Variants in ASTN2 observed in about 807,000 individuals in gnomAD.
ASTN2 encodes astrotactin-2.
In ASTN2, 54 loss-of-function variants were observed where a neutral mutation model predicts 139.8. The ratio of observed to expected loss-of-function variants is 0.39; its 90% CI spans 0.31 to 0.48. The LOEUF (loss-of-function observed/expected upper bound fraction) is 0.48. Ranked by LOEUF, ASTN2 falls within the 20% of genes least tolerant of loss-of-function variation. The pLI is 0.95. For missense variants in ASTN2, 1,565 were observed against 1,725.1 expected (o/e 0.91, Z 1.64); for synonymous variants, 756 against 719.5 (o/e 1.05, Z -0.81).
chr9:117,145,419 A>T (rs886573334), intron 3 of ASTN2, among the ~76,000 whole-genome samples: 4 of 152,246 alleles, frequency 2.6e-5, no homozygotes, highest in African/African-American at 9.6e-5. Flanking sequence ...GCTCCTTGTT[A>T]GATGGCTACT....
At position 117,048,485 on chromosome 9, in the gene ASTN2, T is replaced by C. The variant is rs117767815; in HGVS notation, c.1277-8520A>G. On this transcript the variant is annotated intron_variant, in intron 5 of 22. Transcript: ENST00000313400. ...CCTGGGACAAAGACCGTTTCTATAGTGCAGGCCTAGATTGTGGCTGCCTGG... is the reference window on the plus strand; with the variant it reads ...CCTGGGACAAAGACCGTTTCTATAGCGCAGGCCTAGATTGTGGCTGCCTGG... Among the ~76,000 whole-genome samples the C allele has an allele frequency of 2.8e-4, 42 of 152,292 alleles. No homozygotes were observed. The East Asian group carries it at 7.3e-3, about 27-fold the overall frequency.
At chr9:116,532,236 A>C (rs1851386828) in intron 19 of ASTN2, among the ~76,000 whole-genome samples, 1 of 152,036 alleles carries the variant, frequency 6.6e-6, no homozygotes, top group South Asian at 2.1e-4. Context: ...AATTTGTTTG[A>C]GTTCTTTGTA....
At chr9:116,655,166 C>T (rs1858137473) in intron 16 of ASTN2, among the ~76,000 whole-genome samples, 1 of 152,174 alleles carries the variant, frequency 6.6e-6, no homozygotes, top group African/African-American at 2.4e-5. Context: ...AACAGTGATC[C>T]ATTTCTTAGA....
At chr9:116,746,474 G>A (rs942944973) in intron 13 of ASTN2, among the ~76,000 whole-genome samples, 4 of 151,994 alleles carry the variant, frequency 2.6e-5, no homozygotes, top group African/African-American at 9.6e-5. Flanking sequence ...GTTTCACTGG[G>A]GCCTCCTGGT....
At chr9:116,726,835 T>G (rs1828638776) in intron 15 of ASTN2, among the ~76,000 whole-genome samples, 1 of 152,102 alleles carries the variant, frequency 6.6e-6, no homozygotes, top group Admixed American at 6.5e-5. Context: ...ATTCCTGAGC[T>G]CCTCCCTGCT....
At chr9:116,764,393 G>A (rs906082155) in intron 13 of ASTN2, among the ~76,000 whole-genome samples, 1 of 152,158 alleles carries the variant, frequency 6.6e-6, no homozygotes, top group African/African-American at 2.4e-5. Context: ...CTATGGGGTT[G>A]GCTGAAGTTG....
chr9:117,292,229 T>A (rs1359193155), intron 1 of ASTN2, among the ~76,000 whole-genome samples: 2 of 152,214 alleles, frequency 1.3e-5, no homozygotes, highest in Non-Finnish European at 2.9e-5. Flanking sequence ...ATTGTAAAAT[T>A]CAATCTCCCA....
chr9:116,733,632 G>T, intron 13 of ASTN2, 109 bp from the exon 14 acceptor site: 1 of 1,425,314 alleles, frequency 7.0e-7, no homozygotes, highest in African/African-American at 1.4e-5. Flanking sequence ...ATGGTGGGGT[G>T]ACTTTGCTGT....
chr9:116,900,945 ATTTC>A (rs957635716), intron 10 of ASTN2, among the ~76,000 whole-genome samples: 1 of 152,168 alleles, frequency 6.6e-6, no homozygotes, highest in African/African-American at 2.4e-5. Flanking sequence ...ATATCCAAGA[ATTTC>A]TTTCTTTCTT....
intron 10 of ASTN2, among the ~76,000 whole-genome samples, chr9:116,885,773 A>G (rs1833580481): frequency 6.6e-6 from 1 of 152,188 alleles, no homozygotes; most frequent in Non-Finnish European, 1.5e-5. Flanking sequence ...GTGAGGTGAC[A>G]CAGTTCAGCC....
chr9:116,791,053 G>GAAAAGA (rs753685808), intron 13 of ASTN2, among the ~76,000 whole-genome samples: 2 of 150,672 alleles, frequency 1.3e-5, no homozygotes, highest in Non-Finnish European at 3.0e-5. Flanking sequence ...GAAAAGAAAA[G>GAAAAGA]AAAGAAAGAA....
At chr9:117,199,011 C>T (rs967848503) in intron 3 of ASTN2, among the ~76,000 whole-genome samples, 1 of 151,990 alleles carries the variant, frequency 6.6e-6, no homozygotes, top group Non-Finnish European at 1.5e-5. Flanking sequence ...GTTTAACTTC[C>T]TTGTAAATTC....
intron 10 of ASTN2, among the ~76,000 whole-genome samples, chr9:116,913,570 A>G (rs1035616588): frequency 6.6e-6 from 1 of 152,216 alleles, no homozygotes; most frequent in African/African-American, 2.4e-5. Flanking sequence ...AGGAGGCTCC[A>G]GCTCCCTCTT....
intron 6 of ASTN2, among the ~76,000 whole-genome samples, chr9:117,015,489 A>G (rs560446549): frequency 4.6e-5 from 7 of 152,164 alleles, no homozygotes; most frequent in Non-Finnish European, 8.8e-5. Context: ...GCACAGTTCT[A>G]TCAATGGACC....
chr9:117,171,786 A>G (rs1206152736), intron 3 of ASTN2, among the ~76,000 whole-genome samples: 1 of 152,110 alleles, frequency 6.6e-6, no homozygotes, highest in African/African-American at 2.4e-5. Context: ...GCCATGTGGA[A>G]CTGTGACTCA....
intron 6 of ASTN2, among the ~76,000 whole-genome samples, chr9:117,034,546 CAT>C (rs1838330778): frequency 6.6e-6 from 1 of 152,072 alleles, no homozygotes; most frequent in South Asian, 2.1e-4. Context: ...GAAGTGATCA[CAT>C]ATGTTAGATG....
intron 4 of ASTN2, among the ~76,000 whole-genome samples, chr9:117,111,458 G>A (rs1163848789): frequency 6.6e-6 from 1 of 151,450 alleles, no homozygotes; most frequent in Non-Finnish European, 1.5e-5. Flanking sequence ...CACTGGATGG[G>A]CTTAATTAAA....
intron 17 of ASTN2, among the ~76,000 whole-genome samples, chr9:116,642,696 G>A (rs1029619582): frequency 1.7e-4 from 26 of 152,052 alleles, no homozygotes; most frequent in African/African-American, 5.3e-4. Flanking sequence ...TAAAGTCAAG[G>A]ATCCCCAAAT....
intron 7 of ASTN2, among the ~76,000 whole-genome samples, chr9:116,992,942 T>C (rs1305454762): frequency 1.3e-5 from 2 of 152,172 alleles, no homozygotes; most frequent in Non-Finnish European, 2.9e-5. Context: ...CCCACCCTGA[T>C]CCAAGCCACC....
Sources: allele counts gnomAD v4.1 joint callset (sites outside exome capture counted in the v4.1 genomes callset), GRCh38; gene constraint gnomAD v4.1.1; transcripts MANE v1.5; gene names NCBI Gene and HGNC (gene_info 2026-07-23, HGNC 2026-07-21).